Variants in DCUN1D5 observed in about 807,000 individuals in gnomAD.
DCUN1D5 encodes defective in cullin neddylation 1 domain containing 5, also known as DCN1-like protein 5.
Under a neutral mutation model 38.3 loss-of-function variants are expected in DCUN1D5, and 10 were observed. The observed-to-expected ratio is 0.26, with a 90% CI of 0.16 to 0.44. The LOEUF is 0.44. DCUN1D5 is among the 20% of genes least tolerant of loss of function. The pLI is 1.00. For synonymous variants in DCUN1D5, 93 were observed against 90.9 expected (o/e 1.02, Z -0.13); for missense variants, 148 against 275.3 (o/e 0.54, Z 3.27).
intron 1 of DCUN1D5, 74 bp from the exon 2 acceptor site, chr11:103,089,392 C>A: frequency 1.5e-6 from 2 of 1,316,776 alleles, no homozygotes; most frequent in African/African-American, 1.5e-5. Context: ...TCAAAATTAA[C>A]AACTTCCATT....
Position 103,092,009 on chromosome 11 carries a change from C to T in DCUN1D5, c.-137G>A. ...GCAGAGTCGCCAGCCCGCACCGGCGCGGCCCAGCCCGGCCGCCGCCCGCTC... is the reference window on the plus strand; with the variant it reads ...GCAGAGTCGCCAGCCCGCACCGGCGTGGCCCAGCCCGGCCGCCGCCCGCTC... On this transcript the variant is annotated 5_prime_UTR_variant, in exon 1 of 8. Coordinates refer to ENST00000260247, the MANE Select transcript of DCUN1D5 (RefSeq NM_032299.4). 2 of 711,076 alleles carry T rather than the reference C, an allele frequency of 2.8e-6. No homozygotes were observed. The highest frequency in any genetic ancestry group is 4.5e-6 in the Non-Finnish European group (2 of 443,812). 44.0% of individuals were successfully genotyped at this position (711,076 alleles called of 1,614,324 possible). A position where few individuals can be genotyped will look rare whatever the true frequency, so the allele number is the denominator to read the frequency against.
rs1375225640 is a variant in DCUN1D5, at chr11:103,060,263, T to G, written c.*2096A>C. Among the ~76,000 whole-genome samples, 1 of 152,146 alleles carries G rather than the reference T, an allele frequency of 6.6e-6. No homozygotes were observed. Among genetic ancestry groups the G allele is most frequent in the East Asian group, 1.9e-4 (1 of 5,198 alleles). On this transcript the variant is annotated 3_prime_UTR_variant, in exon 8 of 8. Coordinates refer to ENST00000260247, the MANE Select transcript of DCUN1D5 (RefSeq NM_032299.4). ...GTATGGCTAGGGTAGGATAGGACAG[T>G]TGACTTTAAGGGAAAAAATAAAGTA...
rs1054762577 is a variant in DCUN1D5, at chr11:103,058,121, T to C, written c.*4238A>G. On this transcript the variant is annotated 3_prime_UTR_variant, in exon 8 of 8. Transcript: ENST00000260247. ...CTTAGGTTAAAATCTAACCTTACTATATAGTGTTACTAGATGTATTTTAAG... is the reference window on the plus strand; with the variant it reads ...CTTAGGTTAAAATCTAACCTTACTACATAGTGTTACTAGATGTATTTTAAG... 1.3e-5 allele frequency among the ~76,000 whole-genome samples: 2 copies of C among 152,206 alleles called. No homozygotes were observed. The highest frequency in any genetic ancestry group is 2.9e-5 in the Non-Finnish European group (2 of 68,042).
At position 103,065,777 on chromosome 11, in the gene DCUN1D5, A is replaced by G. The variant is rs1345305096; in HGVS notation, c.555+492T>C. Among the ~76,000 whole-genome samples the G allele has an allele frequency of 6.6e-6, 1 of 152,188 alleles. No individual in the cohort carries two copies. Among genetic ancestry groups the G allele is most frequent in the African/African-American group, 2.4e-5 (1 of 41,452 alleles). ...AACCAGCATATTTAAGTATACTATT[A>G]TAGCCATTCTCATATTTGTGGCCAT... On this transcript the variant is annotated intron_variant, in intron 6 of 7. Transcript: ENST00000260247. The surrounding 1 kb of genome is among the most constrained non-coding windows in gnomAD (Gnocchi z 4.6).
Position 103,068,794 on chromosome 11 carries a change from T to C in DCUN1D5, c.342-2227A>G, listed in dbSNP as rs184580199. ...ACAATCAACCCCTCTGACACTACTT[T>C]ACCTATGTAACAAAGCTTCACATGT... On this transcript the variant is annotated intron_variant, in intron 4 of 7. Coordinates refer to ENST00000260247, the MANE Select transcript of DCUN1D5 (RefSeq NM_032299.4). 2.6e-4 allele frequency among the ~76,000 whole-genome samples: 39 copies of C among 151,822 alleles called. No homozygotes were observed. The East Asian group carries it at 5.2e-3, about 20-fold the overall frequency.
chr11:103,082,881 T>A, intron 3 of DCUN1D5, 42 bp from the exon 4 acceptor site: 1 of 1,467,962 alleles, frequency 6.8e-7, no homozygotes, highest in Admixed American at 1.7e-5. Context: ...AAAGTCAGCA[T>A]AGAGATAATC....
chr11:103,054,920 A>C lies in DCUN1D5; in HGVS notation c.*7439T>G, dbSNP rs745896696. Reference sequence around the variant, plus strand: ...AACCTGTCACATAAGAAACAACTGCATTCATTAATTGAGATTGAATGTAGG... The same window carrying C: ...AACCTGTCACATAAGAAACAACTGCCTTCATTAATTGAGATTGAATGTAGG... On this transcript the variant is annotated 3_prime_UTR_variant, in exon 8 of 8. Coordinates refer to ENST00000260247, the MANE Select transcript of DCUN1D5 (RefSeq NM_032299.4). The C allele has an allele frequency of 2.6e-5, 4 of 152,166 alleles. No homozygotes were observed. The highest frequency in any genetic ancestry group is 2.6e-4 in the Admixed American group (4 of 15,270). The allele number at this position is 152,166 out of a possible 1,614,324, so 9.4% of individuals were successfully genotyped here. A position where few individuals can be genotyped will look rare whatever the true frequency, so the allele number is the denominator to read the frequency against.
chr11:103,052,172 A>G lies in DCUN1D5; in HGVS notation c.*10187T>C, dbSNP rs1463814063. On this transcript the variant is annotated 3_prime_UTR_variant, in exon 8 of 8. Coordinates refer to ENST00000260247, the MANE Select transcript of DCUN1D5 (RefSeq NM_032299.4). ...GTTCTGCAAATGCTTTTGACAACCT[A>G]CCATGAGTCAGGCACCATGCTGAGA... The G allele has an allele frequency of 6.6e-6, 1 of 152,182 alleles. No homozygotes were observed. Among genetic ancestry groups the G allele is most frequent in the Non-Finnish European group, 1.5e-5 (1 of 68,024 alleles). 9.4% of individuals were successfully genotyped at this position (152,182 alleles called of 1,614,324 possible). A position where few individuals can be genotyped will look rare whatever the true frequency, so the allele number is the denominator to read the frequency against.
rs1031295678 is a variant in DCUN1D5 at position 103,072,665 on chromosome 11, A to C, written c.342-6098T>G. 2.6e-5 allele frequency among the ~76,000 whole-genome samples: 4 copies of C among 151,142 alleles called. No homozygotes were observed. The East Asian group carries it at 7.9e-4, about 30-fold the overall frequency. ...TCTGAGCAAACTATCACAGGACAGA[A>C]AACCAAACACTGCATGTTCTCACTC... is the stretch of plus-strand genomic sequence containing the variant. On this transcript the variant is annotated intron_variant, in intron 4 of 7. Transcript: ENST00000260247.
chr11:103,062,315 C>T lies in DCUN1D5; in HGVS notation c.*44G>A, dbSNP rs768781117. 6.3e-7 allele frequency: 1 copy of T among 1,589,306 alleles called. No homozygotes were observed. Among genetic ancestry groups the T allele is most frequent in the South Asian group, 1.1e-5 (1 of 90,480 alleles). ...CCCCCTCATCACATTAGCTTGTATA[C>T]ACGTGGGAATTGAAAGGTTTGCATT... On this transcript the variant is annotated 3_prime_UTR_variant, in exon 8 of 8. Coordinates refer to ENST00000260247, the MANE Select transcript of DCUN1D5 (RefSeq NM_032299.4). This position sits in a 1 kb window ranked among gnomAD's most constrained non-coding sequence, Gnocchi z 4.6.
chr11:103,090,857 A>G (rs956853988), intron 1 of DCUN1D5, among the ~76,000 whole-genome samples: 2 of 152,238 alleles, frequency 1.3e-5, no homozygotes, highest in Non-Finnish European at 2.9e-5. Flanking sequence ...GGTTGCAGTA[A>G]GCGGAGATCG....
rs963803749 is a variant in DCUN1D5, at chr11:103,055,217, T to C, written c.*7142A>G. The C allele has an allele frequency of 3.3e-5, 5 of 152,182 alleles. No homozygotes were observed. Among genetic ancestry groups the C allele is most frequent in the Non-Finnish European group, 7.4e-5 (5 of 68,014 alleles). The allele number at this position is 152,182 out of a possible 1,614,324, so 9.4% of individuals were successfully genotyped here. On this transcript the variant is annotated 3_prime_UTR_variant, in exon 8 of 8. Transcript: ENST00000260247. Reference sequence around the variant, plus strand: ...GGTCAGGTGTGGAATTTTCCACTTGTGGCATCATGTCAACACTCAAAAAGT... The same window carrying C: ...GGTCAGGTGTGGAATTTTCCACTTGCGGCATCATGTCAACACTCAAAAAGT...
At position 103,053,051 on chromosome 11, in the gene DCUN1D5, A is replaced by G. The variant is rs895245694; in HGVS notation, c.*9308T>C. 6.6e-6 allele frequency: 1 copy of G among 152,142 alleles called. No homozygotes were observed. Among genetic ancestry groups the G allele is most frequent in the Non-Finnish European group, 1.5e-5 (1 of 67,984 alleles). 9.4% of individuals were successfully genotyped at this position (152,142 alleles called of 1,614,324 possible). A position where few individuals can be genotyped will look rare whatever the true frequency, so the allele number is the denominator to read the frequency against. ...TTCTAGGTAAAACTTATTTTGCAAT[A>G]GGGTCCTGCTACTTAATTAAAAAAA... On this transcript the variant is annotated 3_prime_UTR_variant, in exon 8 of 8. Transcript: ENST00000260247. The surrounding 1 kb of genome is among the most constrained non-coding windows in gnomAD (Gnocchi z 4.8).
chr11:103,082,241 G>A lies in DCUN1D5; in HGVS notation c.341+507C>T, dbSNP rs139081419. On this transcript the variant is annotated intron_variant, in intron 4 of 7. Coordinates refer to ENST00000260247, the MANE Select transcript of DCUN1D5 (RefSeq NM_032299.4). ...ACTATAAAATGGGTAAAGATTGCAC[G>A]GGAGCAGTTACAACATTTCTACTTT... Among the ~76,000 whole-genome samples the A allele has an allele frequency of 3.9e-3, 588 of 152,152 alleles. 4 individuals carry two copies. Among genetic ancestry groups the A allele is most frequent in the African/African-American group, 0.014 (563 of 41,554 alleles).
Position 103,057,571 on chromosome 11 carries a change from T to G in DCUN1D5, c.*4788A>C, listed in dbSNP as rs1861903922. On this transcript the variant is annotated 3_prime_UTR_variant, in exon 8 of 8. Transcript: ENST00000260247. The surrounding 1 kb of genome is among the most constrained non-coding windows in gnomAD (Gnocchi z 4.8). The stretch of plus-strand genomic sequence containing the variant: ...ACAAACAAAAAAAAAAATACAAAAC[T>G]TAGCTGGGCATGGTGGCAGGCATCT... Among the ~76,000 whole-genome samples the G allele has an allele frequency of 6.6e-6, 1 of 151,688 alleles. No homozygotes were observed. Among genetic ancestry groups the G allele is most frequent in the South Asian group, 2.1e-4 (1 of 4,794 alleles).
In DCUN1D5 at chr11:103,056,092, C is replaced by T. The variant is rs1861865964; in HGVS notation, c.*6267G>A. ...CTGACCACTTATTATTTCCATTACT[C>T]TTAATCTCAAATTGTACCATTTGTC... On this transcript the variant is annotated 3_prime_UTR_variant, in exon 8 of 8. Coordinates refer to ENST00000260247, the MANE Select transcript of DCUN1D5 (RefSeq NM_032299.4). This position sits in a 1 kb window ranked among gnomAD's most constrained non-coding sequence, Gnocchi z 4.9. Among the ~76,000 whole-genome samples, 1 of 152,114 alleles carries T rather than the reference C, an allele frequency of 6.6e-6. No homozygotes were observed. Among genetic ancestry groups the T allele is most frequent in the Admixed American group, 6.5e-5 (1 of 15,270 alleles).
rs1457897677 is a variant in DCUN1D5, at chr11:103,075,407, A to G, written c.341+7341T>C. On this transcript the variant is annotated intron_variant, in intron 4 of 7. Transcript: ENST00000260247. The stretch of plus-strand genomic sequence containing the variant: ...AAAAAGTTTTTTTTTTTTGAGATGG[A>G]GTCTCACTCTGTCGCCCAGGCTGGA... Among the ~76,000 whole-genome samples, 5 of 151,120 alleles carry G rather than the reference A, an allele frequency of 3.3e-5. No individual in the cohort carries two copies. The East Asian group carries it at 9.7e-4, about 29-fold the overall frequency.
At position 103,087,022 on chromosome 11, in the gene DCUN1D5, C is replaced by T. The variant is rs535342050; in HGVS notation, c.178+2205G>A. 6.6e-6 allele frequency among the ~76,000 whole-genome samples: 1 copy of T among 152,036 alleles called. No homozygotes were observed. Among genetic ancestry groups the T allele is most frequent in the South Asian group, 2.1e-4 (1 of 4,808 alleles). On this transcript the variant is annotated intron_variant, in intron 2 of 7. Transcript: ENST00000260247. This position sits in a 1 kb window ranked among gnomAD's most constrained non-coding sequence, Gnocchi z 4.1. The stretch of plus-strand genomic sequence containing the variant: ...ATTAATTAATCTAAGTCTCAGTTTT[C>T]TCATCTATAAAATGAGGGTATGGCC...
In DCUN1D5 at chr11:103,071,625, G is replaced by C. The variant is rs1011552550; in HGVS notation, c.342-5058C>G. Among the ~76,000 whole-genome samples, 1 of 149,840 alleles carries C rather than the reference G, an allele frequency of 6.7e-6. No homozygotes were observed. Among genetic ancestry groups the C allele is most frequent in the Non-Finnish European group, 1.5e-5 (1 of 67,462 alleles). On this transcript the variant is annotated intron_variant, in intron 4 of 7. Coordinates refer to ENST00000260247, the MANE Select transcript of DCUN1D5 (RefSeq NM_032299.4). This position sits in a 1 kb window ranked among gnomAD's most constrained non-coding sequence, Gnocchi z 4.1. ...GAGATTTTACACAGATTTTTACATA[G>C]ATATAAAAATTCTACATATGTAACA...
Sources: allele counts gnomAD v4.1 joint callset (sites outside exome capture counted in the v4.1 genomes callset), GRCh38; gene constraint gnomAD v4.1.1; non-coding constraint Gnocchi (gnomAD v3.1); transcripts MANE v1.5; gene names NCBI Gene and HGNC (gene_info 2026-07-23, HGNC 2026-07-21).